PTPRN2: variants seen among roughly 807,000 people sequenced by gnomAD.
PTPRN2 encodes protein tyrosine phosphatase receptor type N2, also known as receptor-type tyrosine-protein phosphatase N2.
Under a neutral mutation model 118.8 loss-of-function variants are expected in PTPRN2, and 74 were observed. The observed-to-expected ratio is 0.62, with a 90% CI of 0.52 to 0.76. The LOEUF is 0.76. Ranked by LOEUF, PTPRN2 falls within the 30% of genes least tolerant of loss-of-function variation. PTPRN2 has a pLI of 0.00. For missense variants in PTPRN2, 1,481 were observed against 1,394.4 expected (o/e 1.06, Z -0.99); for synonymous variants, 641 against 608.0 (o/e 1.05, Z -0.80).
chr7:158,375,158 C>T (rs1810403247), intron 2 of PTPRN2, among the ~76,000 whole-genome samples: 1 of 152,216 alleles, frequency 6.6e-6, no homozygotes, highest in South Asian at 2.1e-4. Flanking sequence ...CCGGCCAGAG[C>T]ATGAAGTCAG....
intron 2 of PTPRN2, among the ~76,000 whole-genome samples, chr7:158,432,729 G>C (rs1334269493): frequency 6.6e-6 from 1 of 152,154 alleles, no homozygotes. Context: ...GCCTGGCCCG[G>C]GATTTCCAGG....
At chr7:158,441,985 G>A (rs1392085935) in intron 2 of PTPRN2, among the ~76,000 whole-genome samples, 2 of 146,094 alleles carry the variant, frequency 1.4e-5, no homozygotes, top group African/African-American at 5.1e-5. Flanking sequence ...TGGTGGTGGT[G>A]GTGATAGTGA....
rs114884984 is a variant in PTPRN2 at position 158,262,140 on chromosome 7, G to T, written c.277+54679C>A. The stretch of plus-strand genomic sequence containing the variant: ...TCACACCCTCGAGGCCACAGTGACT[G>T]CCCCAAAGTCTGAGGCCTCCCCGGT... On this transcript the variant is annotated intron_variant, in intron 3 of 22. Coordinates refer to ENST00000389418, the MANE Select transcript of PTPRN2 (RefSeq NM_002847.5). Among the ~76,000 whole-genome samples, 395 of 152,246 alleles carry T rather than the reference G, an allele frequency of 2.6e-3. 2 individuals carry two copies. The highest frequency in any genetic ancestry group is 8.9e-3 in the African/African-American group (371 of 41,524).
chr7:158,023,588 C>T (rs140135221), intron 11 of PTPRN2, among the ~76,000 whole-genome samples: 21 of 152,298 alleles, frequency 1.4e-4, no homozygotes, highest in African/African-American at 5.1e-4. Flanking sequence ...TCCCTTCTTG[C>T]GGTGTCCCCC....
chr7:158,443,045 TA>T (rs536101228), intron 2 of PTPRN2, among the ~76,000 whole-genome samples: 230 of 136,862 alleles, frequency 1.7e-3, no homozygotes, highest in South Asian at 8.2e-3. Context: ...AAATAAGTAT[TA>T]AAAAAAAAAA....
chr7:158,231,319 C>T (rs974025143), intron 3 of PTPRN2, among the ~76,000 whole-genome samples: 1 of 152,068 alleles, frequency 6.6e-6, no homozygotes, highest in Non-Finnish European at 1.5e-5. Context: ...TGGGCAGAAG[C>T]GGCTGTGCTT....
intron 1 of PTPRN2, among the ~76,000 whole-genome samples, chr7:158,496,372 C>T (rs1308075357): frequency 2.9e-5 from 2 of 69,486 alleles, no homozygotes; most frequent in African/African-American, 6.1e-5. Flanking sequence ...CTTCCCCACG[C>T]CCCTTCCCCC....
intron 3 of PTPRN2, among the ~76,000 whole-genome samples, chr7:158,307,048 G>A (rs534064753): frequency 6.6e-6 from 1 of 151,990 alleles, no homozygotes; most frequent in African/African-American, 2.4e-5. Flanking sequence ...TGTATTTTTA[G>A]TAGAGACGGG....
intron 11 of PTPRN2, among the ~76,000 whole-genome samples, chr7:158,071,409 T>G (rs377433807): frequency 0.2 from 2,058 of 10,334 alleles, 57 homozygotes; most frequent in Middle Eastern, 0.3. Context: ...CGTGGTGGAG[T>G]TGCTCCTGGT....
At chr7:157,672,229 G>A (rs188695346) in intron 13 of PTPRN2, among the ~76,000 whole-genome samples, 160 of 152,244 alleles carry the variant, frequency 1.1e-3, no homozygotes, top group Middle Eastern at 6.8e-3. Flanking sequence ...ACGCATGCCC[G>A]GGGCGAGGAA....
chr7:158,340,086 A>G (rs1806368194), intron 2 of PTPRN2, among the ~76,000 whole-genome samples: 1 of 71,892 alleles, frequency 1.4e-5, no homozygotes, highest in African/African-American at 5.0e-5. Flanking sequence ...TGACACCTGC[A>G]GACGTCACTC....
At chr7:158,299,564 G>A (rs1800738861) in intron 3 of PTPRN2, among the ~76,000 whole-genome samples, 1 of 152,166 alleles carries the variant, frequency 6.6e-6, no homozygotes, top group Non-Finnish European at 1.5e-5. Flanking sequence ...CCAGAGTGCT[G>A]GGATTACATG....
At chr7:158,189,129 A>T (rs1825550576) in intron 5 of PTPRN2, among the ~76,000 whole-genome samples, 1 of 151,986 alleles carries the variant, frequency 6.6e-6, no homozygotes, top group Non-Finnish European at 1.5e-5. Context: ...AAAGACCTTC[A>T]CTCTCAACGA....
chr7:157,686,814 G>T lies in PTPRN2; in HGVS notation c.1789-3877C>A, dbSNP rs541004356. Among the ~76,000 whole-genome samples, 4 of 152,246 alleles carry T rather than the reference G, an allele frequency of 2.6e-5. No homozygotes were observed. In the South Asian group the frequency reaches 8.3e-4, roughly 32 times the overall value. On this transcript the variant is annotated intron_variant, in intron 12 of 22. Coordinates refer to ENST00000389418, the MANE Select transcript of PTPRN2 (RefSeq NM_002847.5). ...GAGGCCTGGTAACACAGCGGCAGGG[G>T]TGCGTCCCGGGTGGGGGAGATGCAC...
At chr7:157,938,914 G>C (rs1799883385) in intron 11 of PTPRN2, among the ~76,000 whole-genome samples, 2 of 152,206 alleles carry the variant, frequency 1.3e-5, no homozygotes, top group South Asian at 4.1e-4. Context: ...CTGAAGTAAG[G>C]AGTGGGGCTC....
chr7:157,678,520 C>T (rs1220971478), intron 13 of PTPRN2, among the ~76,000 whole-genome samples: 2 of 152,170 alleles, frequency 1.3e-5, no homozygotes. Flanking sequence ...AGTCAGGGTG[C>T]ATTTGGGACT....
chr7:158,400,794 G>A (rs899480629), intron 2 of PTPRN2, among the ~76,000 whole-genome samples: 3 of 152,082 alleles, frequency 2.0e-5, no homozygotes, highest in African/African-American at 4.8e-5. Flanking sequence ...ACAAACGGAG[G>A]CAGCCCTGCT....
chr7:158,480,428 C>A lies in PTPRN2; in HGVS notation c.163+9307G>T, dbSNP rs1018574843. ...CTCCCTCTCCTCCAGCCTCCCTATTCCCTGAGACACAACAATATTGAAATT... is the reference window on the plus strand; with the variant it reads ...CTCCCTCTCCTCCAGCCTCCCTATTACCTGAGACACAACAATATTGAAATT... On this transcript the variant is annotated intron_variant, in intron 2 of 22. Transcript: ENST00000389418. 2.0e-5 allele frequency among the ~76,000 whole-genome samples: 3 copies of A among 152,168 alleles called. No individual in the cohort carries two copies. In the East Asian group the frequency reaches 5.8e-4, roughly 29 times the overall value.
At chr7:158,228,660 C>T (rs998228176) in intron 3 of PTPRN2, among the ~76,000 whole-genome samples, 1 of 152,030 alleles carries the variant, frequency 6.6e-6, no homozygotes, top group Non-Finnish European at 1.5e-5. Context: ...CCCAAGCAGA[C>T]AGCAAAAGCA....
Sources: gnomAD v4.1 joint callset for allele counts (sites outside exome capture counted in the v4.1 genomes callset) on GRCh38, gnomAD v4.1.1 for gene constraint, MANE v1.5 for transcripts, NCBI Gene and HGNC (gene_info 2026-07-23, HGNC 2026-07-21) for gene names.